DAAM1: variants seen among roughly 807,000 people sequenced by gnomAD.
DAAM1 encodes the protein disheveled-associated activator of morphogenesis 1.
A neutral mutation model predicts 130.0 loss-of-function variants in DAAM1; 52 were observed. The ratio of observed to expected loss-of-function variants is 0.40; its 90% CI spans 0.32 to 0.50. DAAM1 has a LOEUF of 0.50. DAAM1 is among the 20% of genes least tolerant of loss of function. DAAM1 has a pLI of 0.61. For missense variants in DAAM1, 1,134 were observed against 1,303.8 expected, an observed-to-expected ratio of 0.87 and a Z score of 2.01; for synonymous variants, 452 against 444.5, an observed-to-expected ratio of 1.02 and a Z score of -0.21.
intron 16 of DAAM1, among the ~76,000 whole-genome samples, chr14:59,347,284 C>T (rs1296171894): frequency 6.7e-6 from 1 of 149,866 alleles, no homozygotes; most frequent in Admixed American, 6.7e-5. Context: ...CTTCCAATCC[C>T]TTGCTTAAGG....
At chr14:59,332,686 C>G (rs1184769562) in intron 15 of DAAM1, among the ~76,000 whole-genome samples, 2 of 152,130 alleles carry the variant, frequency 1.3e-5, no homozygotes, top group Non-Finnish European at 2.9e-5. Flanking sequence ...GAGAACACAG[C>G]AAGGTGGCCA....
chr14:59,368,188 A>G (rs1006036280), intron 24 of DAAM1, among the ~76,000 whole-genome samples: 5 of 138,774 alleles, frequency 3.6e-5, no homozygotes, highest in African/African-American at 1.5e-4. Flanking sequence ...TACAATGTGT[A>G]TGTATTAGTT....
chr14:59,274,824 A>T (rs17255527), intron 2 of DAAM1, among the ~76,000 whole-genome samples: 10,156 of 152,278 alleles, frequency 0.067, 423 homozygotes, highest in Non-Finnish European at 0.097. Flanking sequence ...TCTTCTCATT[A>T]AAATGTTAGT....
chr14:59,239,449 C>CA (rs1258737476), intron 1 of DAAM1, among the ~76,000 whole-genome samples: 1 of 152,126 alleles, frequency 6.6e-6, no homozygotes, highest in East Asian at 1.9e-4. Flanking sequence ...AAGTCAAGAG[C>CA]AGAACACTCA....
chr14:59,289,290 C>T (rs905952379), intron 2 of DAAM1, among the ~76,000 whole-genome samples: 1 of 152,136 alleles, frequency 6.6e-6, no homozygotes, highest in African/African-American at 2.4e-5. Flanking sequence ...GGGGAATCCA[C>T]CCCCATAATC....
At chr14:59,356,581 C>T (rs578011578) in intron 20 of DAAM1, among the ~76,000 whole-genome samples, 3 of 152,288 alleles carry the variant, frequency 2.0e-5, no homozygotes, top group African/African-American at 7.2e-5. Flanking sequence ...GTATTTGACA[C>T]CTGTGTTGTT....
chr14:59,296,127 T>A (rs898971963), intron 3 of DAAM1, among the ~76,000 whole-genome samples: 2 of 152,212 alleles, frequency 1.3e-5, no homozygotes, highest in East Asian at 3.8e-4. Flanking sequence ...GTAGCAATGA[T>A]TAGAAAGAAA....
chr14:59,359,480 A>T lies in DAAM1; in HGVS notation c.2609A>T (p.Asp870Val). The change falls in exon 21 of 25, where the codon GAT becomes GTT. Residue 870 changes from aspartate (D) to valine (V), a missense_variant. Physicochemically the swap from Asp to Val is radical, Grantham distance 152. Transcript: ENST00000360909. ...SVLNLNEELR[D>V]IPQAAKVNMT... The stretch of plus-strand genomic sequence containing the variant: ...CTCAATCTAAATGAAGAATTGCGAG[A>T]TATTCCTCAAGCTGCGAAAGTAAAG... 2 of 1,613,752 alleles carry T rather than the reference A, an allele frequency of 1.2e-6. No homozygotes were observed. The highest frequency in any genetic ancestry group is 8.5e-7 in the Non-Finnish European group (1 of 1,179,738).
chr14:59,318,483 C>T (rs1220449094), intron 4 of DAAM1, among the ~76,000 whole-genome samples: 1 of 150,216 alleles, frequency 6.7e-6, no homozygotes, highest in African/African-American at 2.5e-5. Flanking sequence ...AAGGCCTGTG[C>T]ATACTAGATA....
At chr14:59,330,338 A>G (rs766309866) in intron 12 of DAAM1, among the ~76,000 whole-genome samples, 163 bp from the exon 13 acceptor site, 1 of 152,178 alleles carries the variant, frequency 6.6e-6, no homozygotes, top group Admixed American at 6.5e-5. Context: ...CACAAACATC[A>G]TTTAGCCTTT....
At chr14:59,347,651 GA>G in intron 17 of DAAM1, 28 bp downstream of exon 17, 1 of 1,606,378 alleles carries the variant, frequency 6.2e-7, no homozygotes. Flanking sequence ...TCTGAGAGCA[GA>G]AGTGAAAAGC....
chr14:59,286,898 A>C (rs1020478216), intron 2 of DAAM1, among the ~76,000 whole-genome samples: 1 of 152,328 alleles, frequency 6.6e-6, no homozygotes, highest in Admixed American at 6.5e-5. Context: ...AATTATTCCA[A>C]AAATTCAAAG....
In DAAM1 at chr14:59,288,076, A is replaced by G. The variant is rs550276940; in HGVS notation, c.184-3141A>G. Among the ~76,000 whole-genome samples, 143 of 152,338 alleles carry G rather than the reference A, an allele frequency of 9.4e-4. 2 individuals carry two copies. The highest frequency in any genetic ancestry group is 3.2e-3 in the African/African-American group (134 of 41,582). ...ATGGTACTGGTATAAAAACAGACAC[A>G]TAAACCAATGGAACAGCATGGAGAA... On this transcript the variant is annotated intron_variant, in intron 2 of 24. Transcript: ENST00000360909.
At chr14:59,275,316 G>A (rs1249975393) in intron 2 of DAAM1, among the ~76,000 whole-genome samples, 1 of 152,074 alleles carries the variant, frequency 6.6e-6, no homozygotes, top group Non-Finnish European at 1.5e-5. Flanking sequence ...GAGAGGATCA[G>A]AAAAAATAAC....
chr14:59,201,082 A>G (rs182695327), intron 1 of DAAM1, among the ~76,000 whole-genome samples: 21 of 148,528 alleles, frequency 1.4e-4, no homozygotes, highest in Admixed American at 1.3e-3. Context: ...AATGGTATGA[A>G]CCTGGGAGGC....
intron 16 of DAAM1, among the ~76,000 whole-genome samples, chr14:59,347,154 C>G (rs1230603152): frequency 6.6e-6 from 1 of 152,184 alleles, no homozygotes; most frequent in Non-Finnish European, 1.5e-5. Flanking sequence ...TGATAGCAAA[C>G]TTTAAACACT....
chr14:59,315,664 C>T (rs532210700), intron 4 of DAAM1, among the ~76,000 whole-genome samples: 43 of 152,242 alleles, frequency 2.8e-4, no homozygotes, highest in South Asian at 8.3e-4. Flanking sequence ...ACCAGTCACT[C>T]GGAGCTTGGT....
rs945316601 is a variant in DAAM1 at position 59,331,351 on chromosome 14, C to T, written c.1703C>T (p.Pro568Leu). Residue 568 changes from proline (P) to leucine (L), a missense_variant, in exon 14 of 25, where the codon CCC becomes CTC. Around this residue, in one of 3 missense-constraint regions of DAAM1, gnomAD observed 644 missense variants for 695.9 expected, o/e 0.93. Coordinates refer to ENST00000360909, the MANE Select transcript of DAAM1 (RefSeq NM_001270520.2). ...PGGMLPPPPPPLPPGGPPPPP... is the reference protein window; with the variant it reads ...PGGMLPPPPPLLPPGGPPPPP... ...GGGATGCTTCCCCCTCCACCGCCTCCCCTCCCTCCAGGTGGCCCTCCTCCT... is the reference window on the plus strand; with the variant it reads ...GGGATGCTTCCCCCTCCACCGCCTCTCCTCCCTCCAGGTGGCCCTCCTCCT... The T allele has an allele frequency of 1.9e-6, 3 of 1,612,210 alleles. No individual in the cohort carries two copies. The highest frequency in any genetic ancestry group is 2.7e-5 in the African/African-American group (2 of 74,788).
Position 59,360,641 on chromosome 14 carries a change from T to G in DAAM1, c.2634-161T>G, listed in dbSNP as rs10137686. 1.6e-3 allele frequency: 772 copies of G among 484,994 alleles called. 3 individuals carry two copies. Among genetic ancestry groups the G allele is most frequent in the Non-Finnish European group, 2.3e-3 (668 of 289,736 alleles). The allele number at this position is 484,994 out of a possible 1,614,324, so 30.0% of individuals were successfully genotyped here. A position where few individuals can be genotyped will look rare whatever the true frequency, so the allele number is the denominator to read the frequency against. ...ATTTTATACCTACATTTCATGAGTTTAAAATACTGTTGTCTTTCTTTGAGA... is the reference window on the plus strand; with the variant it reads ...ATTTTATACCTACATTTCATGAGTTGAAAATACTGTTGTCTTTCTTTGAGA... On this transcript the variant is annotated intron_variant, in intron 21 of 24. Coordinates refer to ENST00000360909, the MANE Select transcript of DAAM1 (RefSeq NM_001270520.2).
Sources: gnomAD v4.1 joint callset for allele counts (sites outside exome capture counted in the v4.1 genomes callset) on GRCh38, gnomAD v4.1.1 for gene constraint, gnomAD v4.1.1 regional missense constraint, MANE v1.5 for transcripts, NCBI Gene and HGNC (gene_info 2026-07-23, HGNC 2026-07-21) for gene names.